Variants in CFAP221 observed in about 807,000 individuals in gnomAD.
CFAP221 encodes cilia- and flagella-associated protein 221.
Under a neutral mutation model 113.1 loss-of-function variants are expected in CFAP221, and 97 were observed. The observed-to-expected ratio is 0.86, with a 90% CI of 0.73 to 1.02. The LOEUF is 1.02. CFAP221 is among the 50% of genes least tolerant of loss of function. CFAP221 has a pLI of 0.00. For missense variants in CFAP221, 1,025 were observed against 1,013.4 expected, an observed-to-expected ratio of 1.01 and a Z score of -0.16; for synonymous variants, 331 against 354.4, an observed-to-expected ratio of 0.93 and a Z score of 0.74.
At chr2:119,546,790 A>G (rs1288678117) in intron 2 of CFAP221, among the ~76,000 whole-genome samples, 1 of 152,076 alleles carries the variant, frequency 6.6e-6, no homozygotes, top group African/African-American at 2.4e-5. Context: ...TGTCCTTCGG[A>G]CCACAGGCAT....
chr2:119,579,743 T>C (rs2104593820), intron 6 of CFAP221, among the ~76,000 whole-genome samples: 1 of 152,358 alleles, frequency 6.6e-6, no homozygotes, highest in East Asian at 1.9e-4. Context: ...CTATGGGACT[T>C]ATCAGAGCTG....
At chr2:119,620,087 T>C (rs1323975034) in intron 14 of CFAP221, among the ~76,000 whole-genome samples, 1 of 152,064 alleles carries the variant, frequency 6.6e-6, no homozygotes, top group African/African-American at 2.4e-5. Flanking sequence ...AATGTGGGAC[T>C]ATATGAAAAG....
intron 19 of CFAP221, among the ~76,000 whole-genome samples, chr2:119,631,921 C>T (rs146979733): frequency 8.5e-5 from 13 of 152,216 alleles, no homozygotes; most frequent in African/African-American, 2.4e-4. Flanking sequence ...GTTAAATGTG[C>T]AAATTCATTA....
chr2:119,581,445 C>G (rs191293814), intron 6 of CFAP221, among the ~76,000 whole-genome samples: 2 of 152,132 alleles, frequency 1.3e-5, no homozygotes, highest in Admixed American at 1.3e-4. Flanking sequence ...TCTCAATAGA[C>G]TGAATAAACT....
intron 14 of CFAP221, among the ~76,000 whole-genome samples, chr2:119,624,925 C>T (rs1036359099): frequency 2.6e-5 from 4 of 151,582 alleles, no homozygotes; most frequent in East Asian, 1.9e-4. Context: ...ATGTAGATGG[C>T]GGGTTGATGG....
intron 14 of CFAP221, 141 bp downstream of exon 14, chr2:119,615,850 AT>A: frequency 1.7e-6 from 1 of 605,006 alleles, no homozygotes; most frequent in Non-Finnish European, 2.8e-6. Context: ...TACATCAGTC[AT>A]TTTTAGTATA....
At chr2:119,597,491 GT>G (rs768365333) in intron 7 of CFAP221, among the ~76,000 whole-genome samples, 7 of 152,294 alleles carry the variant, frequency 4.6e-5, no homozygotes, top group Non-Finnish European at 7.3e-5. Flanking sequence ...AGATCGAGTT[GT>G]TTACCCAAAG....
At chr2:119,581,341 C>G (rs532139756) in intron 6 of CFAP221, among the ~76,000 whole-genome samples, 1 of 151,806 alleles carries the variant, frequency 6.6e-6, no homozygotes, top group Non-Finnish European at 1.5e-5. Flanking sequence ...AATTATGAAA[C>G]AAAAATAGAT....
At chr2:119,653,336 G>A (rs1047037191) in intron 23 of CFAP221, among the ~76,000 whole-genome samples, 7 of 152,086 alleles carry the variant, frequency 4.6e-5, no homozygotes, top group African/African-American at 1.7e-4. Context: ...AGCCAAGATC[G>A]CGCCATTGCA....
chr2:119,623,744 C>G (rs1686102005), intron 14 of CFAP221, among the ~76,000 whole-genome samples: 1 of 152,090 alleles, frequency 6.6e-6, no homozygotes, highest in Admixed American at 6.5e-5. Flanking sequence ...ATTTGACAAA[C>G]CTGACAAAAA....
chr2:119,617,625 C>T (rs1685618635), intron 14 of CFAP221, among the ~76,000 whole-genome samples: 1 of 152,164 alleles, frequency 6.6e-6, no homozygotes, highest in African/African-American at 2.4e-5. Flanking sequence ...GCCAATGTGT[C>T]GCCAGCCAAT....
chr2:119,602,227 A>G (rs1033513298), intron 8 of CFAP221, among the ~76,000 whole-genome samples: 4 of 152,182 alleles, frequency 2.6e-5, no homozygotes, highest in African/African-American at 9.7e-5. Flanking sequence ...TAAAAATACA[A>G]AAATTACCTT....
chr2:119,642,129 C>T (rs1035370460), intron 21 of CFAP221, among the ~76,000 whole-genome samples: 1 of 152,166 alleles, frequency 6.6e-6, no homozygotes, highest in East Asian at 1.9e-4. Flanking sequence ...TTACTTTCAG[C>T]TTATGTGCCT....
chr2:119,625,548 T>C (rs1262218370), intron 14 of CFAP221, 35 bp from the exon 15 acceptor site: 1 of 1,547,428 alleles, frequency 6.5e-7, no homozygotes, highest in Non-Finnish European at 8.9e-7. Flanking sequence ...GTGTGTTGAT[T>C]AATAATTTGA....
At chr2:119,586,383 A>G (rs889681590) in intron 6 of CFAP221, among the ~76,000 whole-genome samples, 1 of 152,046 alleles carries the variant, frequency 6.6e-6, no homozygotes, top group Admixed American at 6.5e-5. Context: ...AGGAGAGGAC[A>G]TTATGGGAAG....
chr2:119,563,221 A>C (rs893845422), intron 6 of CFAP221, among the ~76,000 whole-genome samples: 2 of 152,196 alleles, frequency 1.3e-5, no homozygotes, highest in African/African-American at 2.4e-5. Flanking sequence ...GTGTACTTCA[A>C]ATCATCTCTA....
chr2:119,628,294 G>GTGTGTGTGTGTGTGTGTGTGTGTGT (rs371675389), intron 16 of CFAP221, among the ~76,000 whole-genome samples: 3 of 137,586 alleles, frequency 2.2e-5, no homozygotes, highest in East Asian at 2.2e-4. Flanking sequence ...CTCTCTGGGG[G>GTGTGTGTGTGTGTGTGTGTGTGTGT]GTGTGTGTGT....
chr2:119,639,419 G>T (rs540273483), intron 20 of CFAP221, among the ~76,000 whole-genome samples: 1 of 152,318 alleles, frequency 6.6e-6, no homozygotes, highest in South Asian at 2.1e-4. Flanking sequence ...CAGCTCTCCT[G>T]CCTGGAGTGC....
chr2:119,620,423 T>A (rs1685825239), intron 14 of CFAP221, among the ~76,000 whole-genome samples: 1 of 151,870 alleles, frequency 6.6e-6, no homozygotes, highest in Non-Finnish European at 1.5e-5. Context: ...CCGAAGAGAG[T>A]GGGGGCCAAT....
Sources: gnomAD v4.1 joint callset for allele counts (sites outside exome capture counted in the v4.1 genomes callset) on GRCh38, gnomAD v4.1.1 for gene constraint, MANE v1.5 for transcripts, NCBI Gene and HGNC (gene_info 2026-07-23, HGNC 2026-07-21) for gene names.